MTBP: variants seen among roughly 807,000 people sequenced by gnomAD.
MTBP encodes the protein mdm2-binding protein.
In MTBP, 101 loss-of-function variants were observed where a neutral mutation model predicts 117.0. That is an observed-to-expected ratio of 0.86 (90% CI 0.73 to 1.02). MTBP has a LOEUF of 1.02. Among genes scored for constraint, MTBP ranks in the 50% least tolerant of loss-of-function variants. The pLI is 0.00. For missense variants in MTBP, 970 were observed against 1,030.9 expected (o/e 0.94, Z 0.81); for synonymous variants, 350 against 351.5 (o/e 1.00, Z 0.05).
At chr8:120,516,232 G>A (rs754768952) in intron 18 of MTBP, 41 bp downstream of exon 18, 54 of 1,456,292 alleles carry the variant, frequency 3.7e-5, no homozygotes, top group Admixed American at 4.2e-5. Context: ...TTGACAGAAA[G>A]TATTTTAGTC....
chr8:120,451,538 A>G, intron 4 of MTBP: 1 of 452,392 alleles, frequency 2.2e-6, no homozygotes, highest in South Asian at 3.1e-5. Flanking sequence ...ATAAAAAGTG[A>G]TATTTTAATA....
At chr8:120,490,385 A>G (rs1563798383) in intron 12 of MTBP, 78 bp from the exon 13 acceptor site, 2 of 840,152 alleles carry the variant, frequency 2.4e-6, no homozygotes, top group Non-Finnish European at 3.8e-6. Flanking sequence ...TTGCTATAAC[A>G]CATTTCCCAG....
chr8:120,474,278 C>G (rs939986042), intron 11 of MTBP, among the ~76,000 whole-genome samples: 6 of 151,810 alleles, frequency 4.0e-5, no homozygotes, highest in Middle Eastern at 3.2e-3. Context: ...AAAAAAAAAT[C>G]TTAGAAGTAG....
intron 15 of MTBP, among the ~76,000 whole-genome samples, chr8:120,504,041 A>G (rs989487049): frequency 1.3e-5 from 2 of 152,090 alleles, no homozygotes; most frequent in African/African-American, 4.8e-5. Flanking sequence ...GACTGTGGGG[A>G]TATCTGGAAC....
chr8:120,475,850 T>C (rs547022716), intron 11 of MTBP, among the ~76,000 whole-genome samples: 9 of 152,002 alleles, frequency 5.9e-5, no homozygotes, highest in Non-Finnish European at 1.2e-4. Context: ...TATGAAATTG[T>C]CAAAAAATTG....
In MTBP at chr8:120,488,273, C is replaced by T. The variant is rs1406226977; in HGVS notation, c.1280C>T (p.Ser427Leu). ...CACTCAGCCAACCAGATCAATGGCT[C>T]ATTTGCACTCAATTTAATTCATGGA... is the stretch of plus-strand genomic sequence containing the variant. ...LIHSANQINGSFALNLIHGKM... is the reference protein window; with the variant it reads ...LIHSANQINGLFALNLIHGKM... Residue 427 changes from serine (S) to leucine (L), a missense_variant, in exon 12 of 22, where the codon TCA (serine) becomes TTA (leucine). Coordinates refer to ENST00000305949, the MANE Select transcript of MTBP (RefSeq NM_022045.5). 1.9e-6 allele frequency: 3 copies of T among 1,580,548 alleles called. No homozygotes were observed. Among genetic ancestry groups the T allele is most frequent in the Non-Finnish European group, 2.6e-6 (3 of 1,168,080 alleles).
intron 11 of MTBP, chr8:120,471,198 G>GT (rs1294966008): frequency 1.6e-5 from 4 of 254,352 alleles, no homozygotes; most frequent in Non-Finnish European, 2.9e-5. Flanking sequence ...CTGAACATGG[G>GT]TTTTTTAGAG....
At chr8:120,453,427 A>G (rs1052122679) in intron 4 of MTBP, among the ~76,000 whole-genome samples, 50 of 152,290 alleles carry the variant, frequency 3.3e-4, no homozygotes, top group African/African-American at 1.1e-3. Context: ...AGCCTGCGTG[A>G]CAGAGTCAGA....
intron 11 of MTBP, among the ~76,000 whole-genome samples, chr8:120,479,067 A>G (rs1217248850): frequency 6.6e-6 from 1 of 152,236 alleles, no homozygotes; most frequent in African/African-American, 2.4e-5. Flanking sequence ...CAGAAAATCA[A>G]TATCACATTT....
intron 20 of MTBP, among the ~76,000 whole-genome samples, chr8:120,520,502 G>A (rs1310446366): frequency 2.0e-5 from 3 of 152,082 alleles, no homozygotes; most frequent in Non-Finnish European, 2.9e-5. Flanking sequence ...GTTTAGAAGA[G>A]AGAAACTTGT....
rs185919316 is a variant in MTBP at position 120,502,706 on chromosome 8, A to T, written c.1727+97A>T. 3 of 724,084 alleles carry T rather than the reference A, an allele frequency of 4.1e-6. No homozygotes were observed. In the East Asian group the frequency reaches 8.6e-5, roughly 21 times the overall value. 44.9% of individuals were successfully genotyped at this position (724,084 alleles called of 1,614,324 possible). A position where few individuals can be genotyped will look rare whatever the true frequency, so the allele number is the denominator to read the frequency against. On this transcript the variant is annotated intron_variant, in intron 15 of 21. Coordinates refer to ENST00000305949, the MANE Select transcript of MTBP (RefSeq NM_022045.5). The stretch of plus-strand genomic sequence containing the variant: ...TATGTTTATGAGATTTAAGCAGTTT[A>T]TTGTTTTATTATAAAAGAAATACAT...
chr8:120,497,309 C>A, intron 13 of MTBP, 84 bp from the exon 14 acceptor site: 1 of 1,241,578 alleles, frequency 8.1e-7, no homozygotes, highest in Non-Finnish European at 1.1e-6. Flanking sequence ...ACTTGTTTTA[C>A]TTCTGAAAAT....
At chr8:120,495,246 GA>G (rs1349875361) in intron 13 of MTBP, among the ~76,000 whole-genome samples, 1 of 152,126 alleles carries the variant, frequency 6.6e-6, no homozygotes, top group Non-Finnish European at 1.5e-5. Flanking sequence ...GAATTTCAAT[GA>G]TACTACTTCA....
intron 11 of MTBP, among the ~76,000 whole-genome samples, chr8:120,477,600 AC>A (rs1200479747): frequency 2.0e-5 from 3 of 152,232 alleles, no homozygotes; most frequent in Non-Finnish European, 4.4e-5. Context: ...AAGGATATGA[AC>A]AGACACTTCT....
At chr8:120,500,919 C>T (rs911373492) in intron 14 of MTBP, among the ~76,000 whole-genome samples, 3 of 150,994 alleles carry the variant, frequency 2.0e-5, no homozygotes, top group Admixed American at 6.6e-5. Context: ...AGGCCAGGCG[C>T]GGTGGCTCAC....
chr8:120,516,402 C>T (rs1814920988), intron 18 of MTBP, among the ~76,000 whole-genome samples: 1 of 151,862 alleles, frequency 6.6e-6, no homozygotes. Context: ...ATATACAGTC[C>T]ATTAGCACAA....
At chr8:120,450,835 T>C (rs1014898805) in intron 2 of MTBP, among the ~76,000 whole-genome samples, 168 bp from the exon 3 acceptor site, 5 of 152,172 alleles carry the variant, frequency 3.3e-5, no homozygotes, top group African/African-American at 1.2e-4. Context: ...TTTAGGTAGA[T>C]TGTTGTATTT....
chr8:120,482,907 G>A (rs1814120525), intron 11 of MTBP, among the ~76,000 whole-genome samples: 1 of 151,684 alleles, frequency 6.6e-6, no homozygotes, highest in African/African-American at 2.4e-5. Context: ...CACTGTGTTA[G>A]CCAGGATGGT....
intron 17 of MTBP, among the ~76,000 whole-genome samples, chr8:120,514,762 T>G: frequency 6.6e-6 from 1 of 152,106 alleles, no homozygotes; most frequent in East Asian, 1.9e-4. Context: ...CTGCCCTGTT[T>G]GCATGTTTCA....
Sources: gnomAD v4.1 joint callset for allele counts (sites outside exome capture counted in the v4.1 genomes callset) on GRCh38, gnomAD v4.1.1 for gene constraint, MANE v1.5 for transcripts, NCBI Gene and HGNC (gene_info 2026-07-23, HGNC 2026-07-21) for gene names.